CD36: variants seen among roughly 807,000 people sequenced by gnomAD.
CD36 encodes platelet glycoprotein 4.
In CD36, 119 loss-of-function variants were observed where a neutral mutation model predicts 55.2. The observed-to-expected ratio is 2.15, with a 90% CI of 1.86 to 2.51. CD36 has a LOEUF of 2.51. Among genes scored for constraint, CD36 ranks in the 30% most tolerant of loss-of-function variants. CD36 has a pLI of 0.00. For missense variants in CD36, 819 were observed against 555.5 expected (o/e 1.47, Z -4.77); for synonymous variants, 186 against 193.6 (o/e 0.96, Z 0.33).
chr7:80,639,547 C>T (rs1406021604), intron 1 of CD36, among the ~76,000 whole-genome samples: 2 of 151,850 alleles, frequency 1.3e-5, no homozygotes, highest in African/African-American at 4.8e-5. Flanking sequence ...TATACATTAA[C>T]TAAAATTATA....
chr7:80,638,944 C>T (rs1036633801), intron 1 of CD36, among the ~76,000 whole-genome samples, 198 bp downstream of exon 1: 1 of 151,818 alleles, frequency 6.6e-6, no homozygotes, highest in African/African-American at 2.4e-5. Flanking sequence ...TATCAACCTT[C>T]CTATATTTTA....
chr7:80,679,216 T>C lies in CD36; in HGVS notation c.*2833T>C, dbSNP rs978562050. On this transcript the variant is annotated 3_prime_UTR_variant, in exon 15 of 15. Coordinates refer to ENST00000447544, the MANE Select transcript of CD36 (RefSeq NM_001001548.3). Reference sequence around the variant, plus strand: ...GAATACTGCTTTTTCCTTTTGTGGCTCAAAGGTAGCTGCATTTTAAAATAT... The same window carrying C: ...GAATACTGCTTTTTCCTTTTGTGGCCCAAAGGTAGCTGCATTTTAAAATAT... 2 of 152,206 alleles carry C rather than the reference T, an allele frequency of 1.3e-5. No homozygotes were observed. Among genetic ancestry groups the C allele is most frequent in the Non-Finnish European group, 2.9e-5 (2 of 68,038 alleles). 9.4% of individuals were successfully genotyped at this position (152,206 alleles called of 1,614,324 possible).
intron 14 of CD36, chr7:80,674,564 G>T: frequency 4.2e-6 from 1 of 236,512 alleles, no homozygotes; most frequent in Admixed American, 5.3e-5. Context: ...GAAAAGTCCT[G>T]AACAAAAATT....
intron 1 of CD36, among the ~76,000 whole-genome samples, chr7:80,618,500 C>T (rs1423990317): frequency 6.6e-6 from 1 of 152,124 alleles, no homozygotes; most frequent in Non-Finnish European, 1.5e-5. Flanking sequence ...AAACCTAGGC[C>T]TCTGACACCA....
intron 1 of CD36, chr7:80,623,756 A>C (rs1057102338): frequency 1.3e-5 from 2 of 152,174 alleles, no homozygotes; most frequent in Non-Finnish European, 2.9e-5. Context: ...GGTTCCTAGG[A>C]GGACTGTAAA....
chr7:80,661,539 G>A (rs1410066203), intron 5 of CD36, among the ~76,000 whole-genome samples: 2 of 152,082 alleles, frequency 1.3e-5, no homozygotes, highest in African/African-American at 2.4e-5. Context: ...AGACTTTTAA[G>A]TATGTAAGCA....
chr7:80,666,527 AC>A, intron 8 of CD36, 38 bp downstream of exon 8: 1 of 1,487,982 alleles, frequency 6.7e-7, no homozygotes, highest in Non-Finnish European at 9.4e-7. Context: ...CAGTTAATCC[AC>A]CTCCCTTTCC....
At chr7:80,666,272 G>A (rs1797083095) in intron 7 of CD36, 171 bp from the exon 8 acceptor site, 1 of 608,460 alleles carries the variant, frequency 1.6e-6, no homozygotes, top group Admixed American at 2.4e-5. Context: ...ATTGCAATAA[G>A]ATAAAAGGTT....
At chr7:80,611,693 C>G (rs564065380) in intron 1 of CD36, among the ~76,000 whole-genome samples, 2 of 151,938 alleles carry the variant, frequency 1.3e-5, no homozygotes, top group African/African-American at 4.8e-5. Context: ...TGGGGAGGGT[C>G]GAGGAGGTGA....
At position 80,679,245 on chromosome 7, in the gene CD36, T is replaced by C. The variant is rs140326365; in HGVS notation, c.*2862T>C. 1 of 152,326 alleles carries C rather than the reference T, an allele frequency of 6.6e-6. No individual in the cohort carries two copies. Among genetic ancestry groups the C allele is most frequent in the East Asian group, 1.9e-4 (1 of 5,186 alleles). The allele number at this position is 152,326 out of a possible 1,614,324, so 9.4% of individuals were successfully genotyped here. Reference sequence around the variant, plus strand: ...AGGTAGCTGCATTTTAAAATATTTGTGAAAATAAAAACTTTTGTTATTAGA... The same window carrying C: ...AGGTAGCTGCATTTTAAAATATTTGCGAAAATAAAAACTTTTGTTATTAGA... On this transcript the variant is annotated 3_prime_UTR_variant, in exon 15 of 15. Transcript: ENST00000447544.
Position 80,656,698 on chromosome 7 carries a change from C to T in CD36, c.279C>T (p.Tyr93=). Residue 93 remains tyrosine, a splice_region_variant and synonymous_variant, in exon 4 of 15, where the codon TAC becomes TAT. Transcript: ENST00000447544. Reference sequence around the variant, plus strand: ...TTAAGCAAAGAGGTCCTTATACGTACAGGTGAGTGAGTCCCCACAAATATG... The same window carrying T: ...TTAAGCAAAGAGGTCCTTATACGTATAGGTGAGTGAGTCCCCACAAATATG... The part of the protein sequence containing the change: ...IQVKQRGPYT[Y]RVRFLAKENV... 1 of 1,612,862 alleles carries T rather than the reference C, an allele frequency of 6.2e-7. No homozygotes were observed. The highest frequency in any genetic ancestry group is 8.5e-7 in the Non-Finnish European group (1 of 1,179,092).
At chr7:80,640,759 C>A (rs907474193) in intron 1 of CD36, among the ~76,000 whole-genome samples, 2 of 151,898 alleles carry the variant, frequency 1.3e-5, no homozygotes, top group Non-Finnish European at 2.9e-5. Context: ...CTTTAAAAGA[C>A]GGGACTTGTT....
intron 8 of CD36, among the ~76,000 whole-genome samples, chr7:80,667,326 A>G (rs928565309): frequency 6.7e-6 from 1 of 149,014 alleles, no homozygotes; most frequent in Non-Finnish European, 1.5e-5. Context: ...GCTACTTGGG[A>G]GGCTGAGGCA....
At chr7:80,664,864 AAAC>A (rs976043430) in intron 7 of CD36, among the ~76,000 whole-genome samples, 34 of 150,272 alleles carry the variant, frequency 2.3e-4, no homozygotes, top group South Asian at 1.2e-3. Flanking sequence ...AAAAAAAAAA[AAAC>A]AACACATCAA....
chr7:80,678,981 A>G lies in CD36; in HGVS notation c.*2598A>G, dbSNP rs1798248580. 1 of 152,164 alleles carries G rather than the reference A, an allele frequency of 6.6e-6. No individual in the cohort carries two copies. The highest frequency in any genetic ancestry group is 6.5e-5 in the Admixed American group (1 of 15,268). The allele number at this position is 152,164 out of a possible 1,614,324, so 9.4% of individuals were successfully genotyped here. ...AGTTTTTCTGTTTGAAGTCCAATGT[A>G]TTAGTGACTCTGTGGCTGCTCTCTT... is the stretch of plus-strand genomic sequence containing the variant. On this transcript the variant is annotated 3_prime_UTR_variant, in exon 15 of 15. Coordinates refer to ENST00000447544, the MANE Select transcript of CD36 (RefSeq NM_001001548.3).
chr7:80,662,986 G>A lies in CD36; in HGVS notation c.430-4G>A, dbSNP rs372107829. ...TGTCTTAAACAGTGACTTTGTTTTT[G>A]TAGGCTGCATCCCATATCTATCAAA... is the stretch of plus-strand genomic sequence containing the variant. On this transcript the variant is annotated splice_region_variant and splice_polypyrimidine_tract_variant and intron_variant, in intron 5 of 14. Transcript: ENST00000447544. The A allele has an allele frequency of 4.4e-5, 70 of 1,608,370 alleles. No individual in the cohort carries two copies. Among genetic ancestry groups the A allele is most frequent in the Non-Finnish European group, 8.5e-6 (10 of 1,175,552 alleles).
intron 13 of CD36, 156 bp from the exon 14 acceptor site, chr7:80,673,827 T>C: frequency 1.5e-6 from 1 of 676,270 alleles, no homozygotes; most frequent in East Asian, 2.7e-5. Flanking sequence ...CTTAATTGCC[T>C]TTCTTGACTT....
At chr7:80,614,796 T>A (rs780730926) in intron 1 of CD36, among the ~76,000 whole-genome samples, 12 of 152,188 alleles carry the variant, frequency 7.9e-5, no homozygotes, top group Non-Finnish European at 1.8e-4. Context: ...CCTTGTTATT[T>A]GCTCTGCTAC....
At chr7:80,609,457 C>A (rs1792753930) in intron 1 of CD36, among the ~76,000 whole-genome samples, 1 of 152,056 alleles carries the variant, frequency 6.6e-6, no homozygotes, top group South Asian at 2.1e-4. Flanking sequence ...TTCACTCTTC[C>A]TACCTGAGTG....
Sources: allele counts gnomAD v4.1 joint callset (sites outside exome capture counted in the v4.1 genomes callset), GRCh38; gene constraint gnomAD v4.1.1; transcripts MANE v1.5; gene names NCBI Gene and HGNC (gene_info 2026-07-23, HGNC 2026-07-21).